MEI4: variants seen among roughly 807,000 people sequenced by gnomAD.
MEI4 encodes meiosis-specific protein MEI4.
In MEI4, 27 loss-of-function variants were observed where a neutral mutation model predicts 31.4. That is an observed-to-expected ratio of 0.86 (90% CI 0.63 to 1.19). The LOEUF is 1.19. Ranked by LOEUF, MEI4 falls within the 50% of genes most tolerant of loss-of-function variation. MEI4 has a pLI of 0.00. For synonymous variants in MEI4, 122 were observed against 145.4 expected, an observed-to-expected ratio of 0.84 and a Z score of 1.16; for missense variants, 329 against 398.9, an observed-to-expected ratio of 0.82 and a Z score of 1.49.
Position 77,761,249 on chromosome 6 carries a change from T to A in MEI4, c.352T>A (p.Ser118Thr), listed in dbSNP as rs1768036814. 8.1e-7 allele frequency: 1 copy of A among 1,232,588 alleles called. No individual in the cohort carries two copies. Among genetic ancestry groups the A allele is most frequent in the African/African-American group, 1.5e-5 (1 of 64,526 alleles). The allele number at this position is 1,232,588 out of a possible 1,614,324, so 76.4% of individuals were successfully genotyped here. ...NEQRTESSDLSQHFVESCTPT... is the reference protein window; with the variant it reads ...NEQRTESSDLTQHFVESCTPT... ...GCAGAGAACTGAATCCTCAGACCTG[T>A]CCCAGCACTTTGTGGAAAGCTGTAC... The change falls in exon 3 of 5, where the codon TCC becomes ACC. Residue 118 changes from serine (S) to threonine (T), a missense_variant. By Grantham distance (58) the Ser-to-Thr change is moderately conservative. Transcript: ENST00000684080.
chr6:77,908,409 G>A lies in MEI4; in HGVS notation c.901-14680G>A, dbSNP rs143221429. Among the ~76,000 whole-genome samples the A allele has an allele frequency of 7.6e-3, 1,159 of 152,020 alleles. 9 individuals carry two copies. The highest frequency in any genetic ancestry group is 0.019 in the African/African-American group (799 of 41,486). ...AGCACCATTTATTAAATAGGGAATC[G>A]TTTCCCCATTTCTTGTTTTTGTCAG... On this transcript the variant is annotated intron_variant, in intron 4 of 4. Coordinates refer to ENST00000684080, the MANE Select transcript of MEI4 (RefSeq NM_001322247.2).
intron 1 of MEI4, among the ~76,000 whole-genome samples, chr6:77,679,243 C>T (rs1768906261): frequency 6.6e-6 from 1 of 152,292 alleles, no homozygotes; most frequent in South Asian, 2.1e-4. Flanking sequence ...CACATTCACT[C>T]ACCACTCCCT....
chr6:77,754,509 T>C (rs1484267858), intron 2 of MEI4, among the ~76,000 whole-genome samples: 3 of 152,206 alleles, frequency 2.0e-5, no homozygotes, highest in African/African-American at 7.2e-5. Context: ...GACATCTTCC[T>C]GTCTTCTTGT....
upstream of MEI4, among the ~76,000 whole-genome samples, chr6:77,650,305 A>G (rs1038633501): frequency 3.3e-5 from 5 of 152,124 alleles, no homozygotes; most frequent in African/African-American, 9.7e-5. Flanking sequence ...GTTGTGGAGC[A>G]CTCGTCTCCT....
intron 4 of MEI4, among the ~76,000 whole-genome samples, chr6:77,899,137 G>A (rs1490219430): frequency 1.3e-5 from 2 of 152,152 alleles, no homozygotes; most frequent in East Asian, 3.9e-4. Flanking sequence ...AAAGGGGAAT[G>A]TGAAACGTGC....
At chr6:77,755,922 G>A (rs1228480739) in intron 2 of MEI4, among the ~76,000 whole-genome samples, 1 of 151,700 alleles carries the variant, frequency 6.6e-6, no homozygotes, top group Non-Finnish European at 1.5e-5. Context: ...ATTACCGCAA[G>A]CTTGTCTGCA....
At chr6:77,691,091 G>C (rs1380510587) in intron 2 of MEI4, among the ~76,000 whole-genome samples, 188 bp downstream of exon 2, 1 of 151,848 alleles carries the variant, frequency 6.6e-6, no homozygotes, top group Non-Finnish European at 1.5e-5. Context: ...TCCTACATTT[G>C]ACTTTGGAAT....
At chr6:77,761,762 C>T (rs1445303919) in intron 3 of MEI4, 97 bp downstream of exon 3, 11 of 809,308 alleles carry the variant, frequency 1.4e-5, no homozygotes, top group Non-Finnish European at 1.8e-5. Context: ...CCTTGTGGCT[C>T]AAGGAATCCC....
At chr6:77,841,330 TA>T (rs1770355087) in intron 4 of MEI4, among the ~76,000 whole-genome samples, 2 of 69,010 alleles carry the variant, frequency 2.9e-5, no homozygotes, top group African/African-American at 1.5e-4. Flanking sequence ...TATATATATA[TA>T]TATTTTTTTT....
At chr6:77,901,114 T>C (rs117463189) in intron 4 of MEI4, among the ~76,000 whole-genome samples, 2,018 of 152,178 alleles carry the variant, frequency 0.013, 15 homozygotes, top group Middle Eastern at 0.034. Context: ...CCTGTTCATC[T>C]GTTGATGGAC....
At chr6:77,756,907 A>C (rs754816555) in intron 2 of MEI4, among the ~76,000 whole-genome samples, 2 of 152,202 alleles carry the variant, frequency 1.3e-5, no homozygotes, top group Non-Finnish European at 2.9e-5. Context: ...AAAAGATCAT[A>C]AGGATGACAA....
intron 4 of MEI4, among the ~76,000 whole-genome samples, chr6:77,889,891 AAGACTTGGAGGCT>A: frequency 6.6e-6 from 1 of 152,352 alleles, no homozygotes; most frequent in East Asian, 1.9e-4. Context: ...TGTAAGCCCC[AAGACTTGGAGGCT>A]TACACGTGGG....
intron 2 of MEI4, among the ~76,000 whole-genome samples, chr6:77,692,792 A>G (rs186972445): frequency 1.8e-3 from 280 of 152,156 alleles, no homozygotes; most frequent in Admixed American, 3.1e-3. Context: ...GTTGAGCCCA[A>G]GTTTCTCTGA....
At chr6:77,736,233 C>T (rs1406766682) in intron 2 of MEI4, among the ~76,000 whole-genome samples, 3 of 152,010 alleles carry the variant, frequency 2.0e-5, no homozygotes, top group Non-Finnish European at 4.4e-5. Context: ...CCTCCCCCAA[C>T]CTTGCTGCCC....
At position 77,850,360 on chromosome 6, in the gene MEI4, C is replaced by T. The variant is rs1770586478; in HGVS notation, c.900+21298C>T. Among the ~76,000 whole-genome samples the T allele has an allele frequency of 2.6e-5, 4 of 152,270 alleles. No individual in the cohort carries two copies. The South Asian group carries it at 8.3e-4, about 32-fold the overall frequency. ...TAAGCCAAAAGAACAAAGCTGGAGG[C>T]ATCACACTCCCTGACTTCAAACTTA... On this transcript the variant is annotated intron_variant, in intron 4 of 4. Transcript: ENST00000684080.
chr6:77,736,407 T>C (rs1451710019), intron 2 of MEI4, among the ~76,000 whole-genome samples: 3 of 152,072 alleles, frequency 2.0e-5, no homozygotes, highest in Admixed American at 6.5e-5. Flanking sequence ...CCAGGTGCCA[T>C]CTGTCACCCC....
chr6:77,924,209 A>G lies in MEI4; in HGVS notation c.*863A>G, dbSNP rs1766788582. The stretch of plus-strand genomic sequence containing the variant: ...TTAATGAGCATATGTTACATTTCCT[A>G]TAGTGCCATTTAGGGAACACAAAAT... On this transcript the variant is annotated 3_prime_UTR_variant, in exon 5 of 5. Transcript: ENST00000684080. The G allele has an allele frequency of 2.6e-5, 4 of 151,864 alleles. No homozygotes were observed. The highest frequency in any genetic ancestry group is 6.6e-5 in the Admixed American group (1 of 15,186). 9.4% of individuals were successfully genotyped at this position (151,864 alleles called of 1,614,324 possible).
At chr6:77,698,077 T>G (rs1219501832) in intron 2 of MEI4, among the ~76,000 whole-genome samples, 1 of 152,220 alleles carries the variant, frequency 6.6e-6, no homozygotes. Context: ...TATCAGAGAC[T>G]AGGATTGCAA....
At chr6:77,743,090 A>G (rs1002408127) in intron 2 of MEI4, among the ~76,000 whole-genome samples, 1 of 152,060 alleles carries the variant, frequency 6.6e-6, no homozygotes, top group African/African-American at 2.4e-5. Flanking sequence ...CTTAGGATTG[A>G]CTTGGCGATG....
Sources: allele counts gnomAD v4.1 joint callset (sites outside exome capture counted in the v4.1 genomes callset), GRCh38; gene constraint gnomAD v4.1.1; transcripts MANE v1.5; gene names NCBI Gene and HGNC (gene_info 2026-07-23, HGNC 2026-07-21).